Variants in ANKS1B observed in about 807,000 individuals in gnomAD.
ANKS1B encodes the protein ankyrin repeat and sterile alpha motif domain containing 1B.
A neutral mutation model predicts 148.3 loss-of-function variants in ANKS1B; 36 were observed. That is an observed-to-expected ratio of 0.24 (90% CI 0.19 to 0.32). The LOEUF (loss-of-function observed/expected upper bound fraction) is 0.32. Ranked by LOEUF, ANKS1B falls within the 10% of genes least tolerant of loss-of-function variation. ANKS1B has a pLI of 1.00. For missense variants in ANKS1B, 1,157 were observed against 1,542.6 expected (o/e 0.75, Z 4.19); for synonymous variants, 542 against 560.8 (o/e 0.97, Z 0.47).
At chr12:99,503,933 A>T (rs1366374160) in intron 10 of ANKS1B, among the ~76,000 whole-genome samples, 2 of 152,164 alleles carry the variant, frequency 1.3e-5, no homozygotes, top group African/African-American at 4.8e-5. Flanking sequence ...TCAAAAATCC[A>T]TGTTCAAGCA....
chr12:99,051,975 C>A (rs958250193), intron 17 of ANKS1B, among the ~76,000 whole-genome samples: 2 of 152,158 alleles, frequency 1.3e-5, no homozygotes, highest in African/African-American at 4.8e-5. Flanking sequence ...TTTGAACCAG[C>A]AGAAACTTAT....
intron 9 of ANKS1B, among the ~76,000 whole-genome samples, chr12:99,532,872 A>C (rs1012541604): frequency 2.0e-4 from 31 of 151,994 alleles, no homozygotes; most frequent in Middle Eastern, 3.2e-3. Flanking sequence ...ATTCTGTTAC[A>C]TTTGTCTCTG....
intron 12 of ANKS1B, among the ~76,000 whole-genome samples, chr12:99,370,119 C>CA (rs1483880634): frequency 2.0e-5 from 3 of 151,984 alleles, no homozygotes; most frequent in Admixed American, 6.6e-5. Context: ...TAAGGAGGCA[C>CA]AAAAAATTAG....
intron 1 of ANKS1B, among the ~76,000 whole-genome samples, chr12:99,923,035 T>C (rs2094399689): frequency 6.6e-6 from 1 of 152,112 alleles, no homozygotes; most frequent in Non-Finnish European, 1.5e-5. Context: ...ATAACAGAAG[T>C]ATGAGCAAAG....
chr12:99,226,406 C>G (rs896883515), intron 14 of ANKS1B, among the ~76,000 whole-genome samples: 1 of 152,080 alleles, frequency 6.6e-6, no homozygotes, highest in African/African-American at 2.4e-5. Flanking sequence ...TATGATTGTG[C>G]ACATTTGGTG....
At chr12:99,239,497 G>T (rs925141207) in intron 14 of ANKS1B, among the ~76,000 whole-genome samples, 47 of 152,280 alleles carry the variant, frequency 3.1e-4, no homozygotes, top group African/African-American at 1.1e-3. Flanking sequence ...CACTCTTCAG[G>T]ATATTATCTA....
At chr12:99,751,809 T>A (rs748728335) in intron 8 of ANKS1B, among the ~76,000 whole-genome samples, 2 of 152,076 alleles carry the variant, frequency 1.3e-5, no homozygotes, top group African/African-American at 4.8e-5. Context: ...ACATTGGGAC[T>A]CTATATTATA....
chr12:99,164,955 T>C (rs2077055680), intron 14 of ANKS1B, among the ~76,000 whole-genome samples: 1 of 152,092 alleles, frequency 6.6e-6, no homozygotes. Flanking sequence ...ACCATCTTAA[T>C]CTTGAGGTTT....
At chr12:98,850,773 G>A (rs990078309) in intron 17 of ANKS1B, among the ~76,000 whole-genome samples, 1 of 107,826 alleles carries the variant, frequency 9.3e-6, no homozygotes, top group Admixed American at 1.1e-4. Context: ...GGCCCAGAGA[G>A]GCAATTTTTA....
At chr12:99,434,392 C>A (rs1306051787) in intron 11 of ANKS1B, among the ~76,000 whole-genome samples, 1 of 152,054 alleles carries the variant, frequency 6.6e-6, no homozygotes, top group Non-Finnish European at 1.5e-5. Context: ...ACCAGCTTTA[C>A]AGACCAATAC....
chr12:98,744,014 T>C lies in ANKS1B; in HGVS notation c.*1725A>G. The C allele has an allele frequency of 1.0e-6, 1 of 984,016 alleles. No homozygotes were observed. Among genetic ancestry groups the C allele is most frequent in the South Asian group, 4.7e-5 (1 of 21,260 alleles). 61.0% of individuals were successfully genotyped at this position (984,016 alleles called of 1,614,324 possible). On this transcript the variant is annotated 3_prime_UTR_variant, in exon 27 of 27. Transcript: ENST00000683438. ...GTTTTATTTTTGTGTGCTTTTTTTA[T>C]AGGATATAAATAATGACAAAAATTA...
chr12:98,814,192 T>C (rs909173301), intron 19 of ANKS1B, among the ~76,000 whole-genome samples: 2 of 152,236 alleles, frequency 1.3e-5, no homozygotes, highest in East Asian at 3.9e-4. Context: ...AATTAAGCTT[T>C]ACAATGTCTT....
At chr12:98,945,501 CAAACAAAAAA>C (rs2099843749) in intron 17 of ANKS1B, among the ~76,000 whole-genome samples, 2 of 1,314 alleles carry the variant, frequency 1.5e-3, no homozygotes, top group Admixed American at 9.1e-3. Context: ...TCTCAACAAA[CAAACAAAAAA>C]AAAAAAAAAA....
intron 9 of ANKS1B, among the ~76,000 whole-genome samples, chr12:99,520,712 G>A (rs1042407929): frequency 6.6e-6 from 1 of 152,028 alleles, no homozygotes; most frequent in Non-Finnish European, 1.5e-5. Context: ...ACCTTTTGAG[G>A]CTATTTTCCA....
At chr12:99,361,899 G>A (rs2092494309) in intron 12 of ANKS1B, among the ~76,000 whole-genome samples, 1 of 151,944 alleles carries the variant, frequency 6.6e-6, no homozygotes, top group East Asian at 1.9e-4. Flanking sequence ...ATTCACATAA[G>A]TAATTAAGAT....
Position 98,801,267 on chromosome 12 carries a change from G to T in ANKS1B, c.3142-142C>A. The T allele has an allele frequency of 1.4e-6, 1 of 713,264 alleles. No individual in the cohort carries two copies. The highest frequency in any genetic ancestry group is 2.2e-6 in the Non-Finnish European group (1 of 462,082). 44.2% of individuals were successfully genotyped at this position (713,264 alleles called of 1,614,324 possible). On this transcript the variant is annotated intron_variant, in intron 20 of 26. Transcript: ENST00000683438. This position sits in a 1 kb window ranked among gnomAD's most constrained non-coding sequence, Gnocchi z 5.2. ...TGTCTTATGTGAATATAAATACTTGGTTATTACATTTTTATATGTATTAGC... is the reference window on the plus strand; with the variant it reads ...TGTCTTATGTGAATATAAATACTTGTTTATTACATTTTTATATGTATTAGC...
chr12:99,883,747 C>G (rs1039343400), intron 1 of ANKS1B, among the ~76,000 whole-genome samples: 2 of 152,090 alleles, frequency 1.3e-5, no homozygotes, highest in Non-Finnish European at 2.9e-5. Flanking sequence ...GAAACCTCGT[C>G]TCTATTAAAA....
chr12:98,839,008 C>G (rs1314036385), intron 17 of ANKS1B, among the ~76,000 whole-genome samples: 1 of 152,212 alleles, frequency 6.6e-6, no homozygotes, highest in Non-Finnish European at 1.5e-5. Context: ...CTCACTTGAA[C>G]TTGCATACAG....
intron 25 of ANKS1B, among the ~76,000 whole-genome samples, chr12:98,759,233 T>C (rs1188510652): frequency 6.6e-6 from 1 of 152,154 alleles, no homozygotes; most frequent in Non-Finnish European, 1.5e-5. Flanking sequence ...TTTACTGTGG[T>C]TTCTTCAAGG....
Sources: gnomAD v4.1 joint callset for allele counts (sites outside exome capture counted in the v4.1 genomes callset) on GRCh38, gnomAD v4.1.1 for gene constraint, Gnocchi (gnomAD v3.1) non-coding constraint, MANE v1.5 for transcripts, NCBI Gene and HGNC (gene_info 2026-07-23, HGNC 2026-07-21) for gene names.